The following NRG3 variants were observed in gnomAD, a reference collection of about 807,000 sequenced individuals.
NRG3 encodes the protein neuregulin 3, also known as pro-neuregulin-3, membrane-bound isoform.
Under a neutral mutation model 66.9 loss-of-function variants are expected in NRG3, and 31 were observed. That is an observed-to-expected ratio of 0.46 (90% CI 0.35 to 0.63). The LOEUF is 0.63. Among genes scored for constraint, NRG3 ranks in the 20% least tolerant of loss-of-function variants. NRG3 has a pLI of 0.00. For missense variants in NRG3, 910 were observed against 878.9 expected (o/e 1.04, Z -0.45); for synonymous variants, 393 against 359.4 (o/e 1.09, Z -1.06).
chr10:82,430,474 G>C (rs2089732161), intron 2 of NRG3, among the ~76,000 whole-genome samples: 1 of 152,052 alleles, frequency 6.6e-6, no homozygotes, highest in Non-Finnish European at 1.5e-5. Context: ...AGCCAGGATG[G>C]TCTCGATCTC....
At chr10:82,766,311 C>T (rs1475045842) in intron 3 of NRG3, among the ~76,000 whole-genome samples, 2 of 152,092 alleles carry the variant, frequency 1.3e-5, no homozygotes, top group Non-Finnish European at 2.9e-5. Context: ...AGGGCCTTCT[C>T]GTCTTTATTG....
intron 1 of NRG3, among the ~76,000 whole-genome samples, chr10:81,936,664 G>T (rs999199612): frequency 2.0e-5 from 3 of 152,038 alleles, no homozygotes; most frequent in African/African-American, 7.2e-5. Context: ...TGCTCCGTAA[G>T]GTGGTTGGGG....
intron 1 of NRG3, among the ~76,000 whole-genome samples, chr10:82,019,076 C>T (rs1435841249): frequency 1.3e-5 from 2 of 152,108 alleles, no homozygotes; most frequent in East Asian, 3.9e-4. Flanking sequence ...GTGGGTTTGT[C>T]ATAAATAGCT....
rs537640857 is a variant in NRG3, at chr10:82,130,109, T to C, written c.824-228630T>C. On this transcript the variant is annotated intron_variant, in intron 1 of 8. Transcript: ENST00000372141. ...TGAGTGAGAACATGCAAAGTTTGTC[T>C]TTCTGTGCTCCACTGTGTATATGTA... Among the ~76,000 whole-genome samples, 3 of 152,252 alleles carry C rather than the reference T, an allele frequency of 2.0e-5. No homozygotes were observed. In the South Asian group the frequency reaches 6.2e-4, roughly 31 times the overall value.
chr10:82,443,177 A>C (rs2090532631), intron 2 of NRG3, among the ~76,000 whole-genome samples: 2 of 151,646 alleles, frequency 1.3e-5, no homozygotes, highest in South Asian at 4.2e-4. Context: ...AAGCCCTGGG[A>C]CAACTTCTGT....
chr10:82,732,354 G>T (rs911719197), intron 2 of NRG3, among the ~76,000 whole-genome samples: 7 of 152,088 alleles, frequency 4.6e-5, no homozygotes, highest in Admixed American at 1.3e-4. Flanking sequence ...ATAAATCATG[G>T]TGTTAGTTCA....
At chr10:82,070,871 T>A (rs1328818113) in intron 1 of NRG3, among the ~76,000 whole-genome samples, 1 of 152,222 alleles carries the variant, frequency 6.6e-6, no homozygotes, top group African/African-American at 2.4e-5. Context: ...CTTTCCTTAT[T>A]GGCAAGTTGG....
At chr10:82,849,633 G>A (rs1197482206) in intron 3 of NRG3, among the ~76,000 whole-genome samples, 3 of 152,202 alleles carry the variant, frequency 2.0e-5, no homozygotes, top group Non-Finnish European at 4.4e-5. Flanking sequence ...GTGAAAGAAG[G>A]TGAGAGATTG....
At chr10:82,392,445 AAAAGGT>A (rs1447981734) in intron 2 of NRG3, among the ~76,000 whole-genome samples, 3 of 152,206 alleles carry the variant, frequency 2.0e-5, no homozygotes, top group African/African-American at 7.2e-5. Context: ...AATAAATGCC[AAAAGGT>A]ACATTAGGTT....
chr10:81,914,200 A>G (rs749047612), intron 1 of NRG3, among the ~76,000 whole-genome samples: 1 of 152,202 alleles, frequency 6.6e-6, no homozygotes, highest in Non-Finnish European at 1.5e-5. Flanking sequence ...TATTACCTTT[A>G]TAATAAAAAA....
At chr10:82,525,082 G>T (rs931487825) in intron 2 of NRG3, among the ~76,000 whole-genome samples, 3 of 151,806 alleles carry the variant, frequency 2.0e-5, no homozygotes, top group Non-Finnish European at 3.0e-5. Context: ...ATTCTACTTA[G>T]ATTAAAGGTG....
intron 3 of NRG3, among the ~76,000 whole-genome samples, chr10:82,740,171 C>A (rs1192261606): frequency 6.6e-6 from 1 of 151,202 alleles, no homozygotes; most frequent in African/African-American, 2.4e-5. Context: ...TCCCTCTTTC[C>A]CTTTCCCCCT....
chr10:82,702,409 T>C (rs76135689), intron 2 of NRG3, among the ~76,000 whole-genome samples: 3,351 of 152,276 alleles, frequency 0.022, 137 homozygotes, highest in African/African-American at 0.077. Flanking sequence ...TACCAAAGAA[T>C]TTTCCACAGC....
chr10:82,071,831 A>C (rs149396160), intron 1 of NRG3, among the ~76,000 whole-genome samples: 16 of 152,306 alleles, frequency 1.1e-4, no homozygotes, highest in African/African-American at 3.8e-4. Context: ...TGGGAATGTG[A>C]GCTGTTGTAG....
At chr10:82,123,147 G>A (rs1446378188) in intron 1 of NRG3, among the ~76,000 whole-genome samples, 2 of 152,152 alleles carry the variant, frequency 1.3e-5, no homozygotes, top group East Asian at 3.9e-4. Flanking sequence ...GACAGAATAA[G>A]TAGTATACCC....
intron 1 of NRG3, among the ~76,000 whole-genome samples, chr10:82,102,141 T>TATATATGTGTGTATTC (rs1554825301): frequency 0.057 from 2,219 of 39,242 alleles, 111 homozygotes; most frequent in Admixed American, 0.17. Context: ...TTCATATATA[T>TATATATGTGTGTATTC]ATATATATAT....
intron 1 of NRG3, among the ~76,000 whole-genome samples, chr10:82,271,445 T>C (rs544399489): frequency 6.6e-6 from 1 of 152,234 alleles, no homozygotes; most frequent in East Asian, 1.9e-4. Flanking sequence ...AATATCTGAC[T>C]CAATAATTGG....
rs888875471 is a variant in NRG3 at position 82,438,729 on chromosome 10, G to A, written c.953+79861G>A. The stretch of plus-strand genomic sequence containing the variant: ...GTTCCGTGAAAAAAGCAGATTGCCC[G>A]GCTGAGTAGCACGCTCACTCACCAC... On this transcript the variant is annotated intron_variant, in intron 2 of 8. Transcript: ENST00000372141. Among the ~76,000 whole-genome samples, 7 of 152,140 alleles carry A rather than the reference G, an allele frequency of 4.6e-5. No individual in the cohort carries two copies. The East Asian group carries it at 5.8e-4, about 13-fold the overall frequency.
intron 1 of NRG3, among the ~76,000 whole-genome samples, chr10:82,132,544 T>TATCATATATATATATG (rs2068999994): frequency 7.3e-6 from 1 of 137,642 alleles, no homozygotes; most frequent in South Asian, 2.2e-4. Context: ...ATGATATATA[T>TATCATATATATATATG]ATATCTTTGT....
Sources: allele counts gnomAD v4.1 joint callset (sites outside exome capture counted in the v4.1 genomes callset), GRCh38; gene constraint gnomAD v4.1.1; transcripts MANE v1.5; gene names NCBI Gene and HGNC (gene_info 2026-07-23, HGNC 2026-07-21).